TP53BP2: variants seen among roughly 807,000 people sequenced by gnomAD.
TP53BP2 encodes tumor protein p53 binding protein 2.
Under a neutral mutation model 126.2 loss-of-function variants are expected in TP53BP2, and 62 were observed. That is an observed-to-expected ratio of 0.49 (90% CI 0.40 to 0.61). The LOEUF is 0.61. Among genes scored for constraint, TP53BP2 ranks in the 20% least tolerant of loss-of-function variants. The pLI is 0.00. For synonymous variants in TP53BP2, 485 were observed against 502.9 expected (o/e 0.96, Z 0.48); for missense variants, 1,215 against 1,402.8 (o/e 0.87, Z 2.14).
chr1:223,800,661 CA>C (rs764708236), intron 10 of TP53BP2, 38 bp downstream of exon 10: 51 of 1,495,448 alleles, frequency 3.4e-5, no homozygotes, highest in Non-Finnish European at 4.5e-5. Context: ...TTCAGATGAC[CA>C]AAATTTAATG....
intron 3 of TP53BP2, among the ~76,000 whole-genome samples, chr1:223,810,805 G>A (rs547687146): frequency 7.9e-5 from 12 of 152,254 alleles, no homozygotes; most frequent in Non-Finnish European, 1.3e-4. Context: ...CAAACGTAAT[G>A]TACTTCTGAC....
chr1:223,798,814 G>GGC (rs1662429262), intron 11 of TP53BP2, 137 bp from the exon 12 acceptor site: 4 of 775,968 alleles, frequency 5.2e-6, no homozygotes, highest in African/African-American at 1.8e-5. Flanking sequence ...GCTCACACCT[G>GGC]TAATCCCAGC....
chr1:223,823,138 A>T (rs1012710119), intron 1 of TP53BP2, among the ~76,000 whole-genome samples: 18 of 152,216 alleles, frequency 1.2e-4, no homozygotes, highest in African/African-American at 4.3e-4. Flanking sequence ...ATACCCTATG[A>T]CCACAATGAC....
intron 3 of TP53BP2, among the ~76,000 whole-genome samples, chr1:223,812,128 A>T (rs1376881469): frequency 6.6e-6 from 1 of 152,150 alleles, no homozygotes; most frequent in Non-Finnish European, 1.5e-5. Flanking sequence ...ATAAAATTAC[A>T]GACACCAGTG....
intron 2 of TP53BP2, among the ~76,000 whole-genome samples, chr1:223,814,938 A>AT (rs1663036981): frequency 1.3e-5 from 2 of 152,166 alleles, no homozygotes; most frequent in Admixed American, 1.3e-4. Flanking sequence ...CAGTGTCAGA[A>AT]TTTTTCTGGA....
intron 13 of TP53BP2, among the ~76,000 whole-genome samples, chr1:223,795,080 T>C (rs1662271477): frequency 6.6e-6 from 1 of 152,232 alleles, no homozygotes; most frequent in South Asian, 2.1e-4. Context: ...GATTTTTATT[T>C]TCTCTCACCT....
At chr1:223,801,711 C>T (rs1264288681) in intron 9 of TP53BP2, among the ~76,000 whole-genome samples, 1 of 152,170 alleles carries the variant, frequency 6.6e-6, no homozygotes, top group Non-Finnish European at 1.5e-5. Flanking sequence ...GAATATTTAA[C>T]ACCACTCATC....
chr1:223,828,532 G>A (rs917097223), intron 1 of TP53BP2, among the ~76,000 whole-genome samples: 11 of 152,180 alleles, frequency 7.2e-5, no homozygotes, highest in African/African-American at 2.7e-4. Context: ...AATATCTGTT[G>A]AGACTGTTTT....
chr1:223,782,554 C>T (rs1374049163), intron 17 of TP53BP2, among the ~76,000 whole-genome samples: 1 of 152,178 alleles, frequency 6.6e-6, no homozygotes, highest in Admixed American at 6.5e-5. Flanking sequence ...ACGATCTCGG[C>T]TCACCACAAC....
rs1181727166 is a variant in TP53BP2, at chr1:223,798,206, G to A, written c.1948+9C>T. On this transcript the variant is annotated intron_variant, in intron 12 of 17. Coordinates refer to ENST00000343537, the MANE Select transcript of TP53BP2 (RefSeq NM_001031685.3). Reference sequence around the variant, plus strand: ...TAAGCACGTCACCTATGAACGTTAAGAACCTTACCACTTGAAAAGTGTGGC... The same window carrying A: ...TAAGCACGTCACCTATGAACGTTAAAAACCTTACCACTTGAAAAGTGTGGC... 6.2e-7 allele frequency: 1 copy of A among 1,608,932 alleles called. No individual in the cohort carries two copies. Among genetic ancestry groups the A allele is most frequent in the Non-Finnish European group, 8.5e-7 (1 of 1,177,184 alleles).
chr1:223,795,368 G>A (rs143865863), intron 13 of TP53BP2, among the ~76,000 whole-genome samples: 2 of 152,218 alleles, frequency 1.3e-5, no homozygotes, highest in African/African-American at 4.8e-5. Context: ...GTAAGTTTGA[G>A]GTTTCACCTA....
At chr1:223,812,207 G>A (rs891204071) in intron 3 of TP53BP2, among the ~76,000 whole-genome samples, 26 of 152,180 alleles carry the variant, frequency 1.7e-4, no homozygotes, top group African/African-American at 5.3e-4. Context: ...GCCTCTAGGT[G>A]TGTGGCCTCT....
intron 1 of TP53BP2, among the ~76,000 whole-genome samples, chr1:223,840,977 G>T (rs909478042): frequency 2.6e-5 from 4 of 152,210 alleles, no homozygotes; most frequent in African/African-American, 9.7e-5. Context: ...ATGCTCCTGG[G>T]TGCGGTGGCT....
intron 15 of TP53BP2, among the ~76,000 whole-genome samples, chr1:223,789,584 A>C (rs1423014293): frequency 1.3e-5 from 2 of 152,260 alleles, no homozygotes; most frequent in Non-Finnish European, 2.9e-5. Flanking sequence ...TTCACTCAAA[A>C]CACTGGCCTT....
At position 223,783,214 on chromosome 1, in the gene TP53BP2, AT is replaced by A. The variant is rs1329852072; in HGVS notation, c.3363+900del. 5.3e-5 allele frequency among the ~76,000 whole-genome samples: 8 copies of A among 152,332 alleles called. 1 individual carries two copies. The South Asian group carries it at 1.2e-3, about 24-fold the overall frequency. Reference sequence around the variant, plus strand: ...TTGCTCTCTATTAGACCTCTGAGTTATCCCCACACTAATCTTGGGAGGCAGG... The same window carrying A: ...TTGCTCTCTATTAGACCTCTGAGTTACCCCACACTAATCTTGGGAGGCAGG... On this transcript the variant is annotated intron_variant, in intron 17 of 17. Coordinates refer to ENST00000343537, the MANE Select transcript of TP53BP2 (RefSeq NM_001031685.3).
Position 223,780,521 on chromosome 1 carries a change from T to C in TP53BP2, c.*332A>G. 1 of 231,142 alleles carries C rather than the reference T, an allele frequency of 4.3e-6. No homozygotes were observed. Among genetic ancestry groups the C allele is most frequent in the Admixed American group, 5.4e-5 (1 of 18,354 alleles). The allele number at this position is 231,142 out of a possible 1,614,324, so 14.3% of individuals were successfully genotyped here. ...GAAAACACTCAACAGGACAGAGAGC[T>C]GATTTCCCAACTGCCCAATAAATGA... On this transcript the variant is annotated 3_prime_UTR_variant, in exon 18 of 18. Transcript: ENST00000343537.
chr1:223,822,769 A>G (rs1663356191), intron 1 of TP53BP2, among the ~76,000 whole-genome samples: 1 of 151,934 alleles, frequency 6.6e-6, no homozygotes. Context: ...AATTTTTCAC[A>G]CCTATTAAAT....
At chr1:223,816,947 C>G (rs556221418) in intron 2 of TP53BP2, among the ~76,000 whole-genome samples, 2 of 151,218 alleles carry the variant, frequency 1.3e-5, no homozygotes, top group African/African-American at 4.9e-5. Context: ...ATCACTTAAG[C>G]CCAGGAGTTC....
At chr1:223,824,356 C>G (rs1558106112) in intron 1 of TP53BP2, among the ~76,000 whole-genome samples, 3 of 152,172 alleles carry the variant, frequency 2.0e-5, no homozygotes, top group Non-Finnish European at 1.5e-5. Context: ...CTGGTATGAA[C>G]AGTAAGTGTA....
Sources: gnomAD v4.1 joint callset for allele counts (sites outside exome capture counted in the v4.1 genomes callset) on GRCh38, gnomAD v4.1.1 for gene constraint, MANE v1.5 for transcripts, NCBI Gene and HGNC (gene_info 2026-07-23, HGNC 2026-07-21) for gene names.